ADARB2: variants seen among roughly 807,000 people sequenced by gnomAD.
The protein encoded by ADARB2 is inactive double-stranded RNA-specific editase B2.
ADARB2 carries 25 observed loss-of-function variants against 62.2 expected under a neutral mutation model. That is an observed-to-expected ratio of 0.40 (90% CI 0.29 to 0.56). The LOEUF (loss-of-function observed/expected upper bound fraction) is 0.56. ADARB2 is among the 20% of genes least tolerant of loss of function. The pLI is 0.43. For missense variants in ADARB2, 1,071 were observed against 1,077.4 expected (o/e 0.99, Z 0.08); for synonymous variants, 572 against 500.8 (o/e 1.14, Z -1.90).
chr10:1,616,742 GAC>G (rs1833640145), intron 1 of ADARB2, among the ~76,000 whole-genome samples: 1 of 149,536 alleles, frequency 6.7e-6, no homozygotes, highest in South Asian at 2.1e-4. Flanking sequence ...TGCCCGTCCA[GAC>G]ACACTCCACA....
At chr10:1,468,938 C>G (rs77495603) in intron 1 of ADARB2, among the ~76,000 whole-genome samples, 3,893 of 152,318 alleles carry the variant, frequency 0.026, 168 homozygotes, top group African/African-American at 0.087. Flanking sequence ...CATGAGAACA[C>G]TGCAGCTTAG....
intron 3 of ADARB2, among the ~76,000 whole-genome samples, chr10:1,335,143 G>A (rs558416466): frequency 6.6e-6 from 1 of 152,034 alleles, no homozygotes; most frequent in African/African-American, 2.4e-5. Context: ...ATTTGTCTCT[G>A]TGTGTTCCAG....
At chr10:1,232,879 T>G (rs1830822719) in intron 6 of ADARB2, among the ~76,000 whole-genome samples, 1 of 151,644 alleles carries the variant, frequency 6.6e-6, no homozygotes, top group African/African-American at 2.4e-5. Flanking sequence ...GTGGTGTGTG[T>G]GTTGTATGTG....
chr10:1,311,081 C>T (rs1214304354), intron 3 of ADARB2, among the ~76,000 whole-genome samples: 7 of 152,148 alleles, frequency 4.6e-5, no homozygotes, highest in African/African-American at 1.4e-4. Context: ...AGCATGGAGC[C>T]GTGAAGACCA....
chr10:1,462,524 T>A (rs1167991339), intron 1 of ADARB2, among the ~76,000 whole-genome samples: 1 of 152,058 alleles, frequency 6.6e-6, no homozygotes, highest in Non-Finnish European at 1.5e-5. Context: ...AGTGTGCCTG[T>A]ATGTGCCTGT....
At chr10:1,241,142 C>T (rs1295611561) in intron 5 of ADARB2, among the ~76,000 whole-genome samples, 1 of 152,118 alleles carries the variant, frequency 6.6e-6, no homozygotes, top group Non-Finnish European at 1.5e-5. Context: ...GCCTGTAGAC[C>T]CAGCTACTCA....
At chr10:1,554,691 CTT>C (rs1482210106) in intron 1 of ADARB2, among the ~76,000 whole-genome samples, 1 of 152,192 alleles carries the variant, frequency 6.6e-6, no homozygotes, top group Non-Finnish European at 1.5e-5. Context: ...TGTTTTGCCT[CTT>C]ATTTCTAGGA....
Position 1,242,134 on chromosome 10 carries a change from A to G in ADARB2, c.1358T>C (p.Leu453Pro). The change falls in exon 5 of 10, where the codon CTG (leucine) becomes CCG (proline). Residue 453 changes from leucine (L) to proline (P), a missense_variant. Transcript: ENST00000381312. ...GAGCCCGTCCCCAGCCGCTCACCTC[A>G]GGTGCAGCTCCAGCTGCGTGTAGAG... Reference protein sequence around the residue: ...HFLYTQLELHLSKRREDSERS... With the variant: ...HFLYTQLELHPSKRREDSERS... 1.2e-6 allele frequency: 2 copies of G among 1,604,838 alleles called. No homozygotes were observed. Among genetic ancestry groups the G allele is most frequent in the Non-Finnish European group, 8.5e-7 (1 of 1,177,732 alleles).
At chr10:1,194,153 A>G (rs1836876378) in intron 8 of ADARB2, among the ~76,000 whole-genome samples, 1 of 152,160 alleles carries the variant, frequency 6.6e-6, no homozygotes, top group Non-Finnish European at 1.5e-5. Flanking sequence ...AACTAGATTA[A>G]CTGCGAGATT....
Position 1,644,854 on chromosome 10 carries a change from C to A in ADARB2, c.100+92197G>T, listed in dbSNP as rs550556456. On this transcript the variant is annotated intron_variant, in intron 1 of 9. Coordinates refer to ENST00000381312, the MANE Select transcript of ADARB2 (RefSeq NM_018702.4). ...TTTGTTAATGTTTAAATTTATGACT[C>A]GAGATTTCACTCTCAAATAGTGATG... Among the ~76,000 whole-genome samples the A allele has an allele frequency of 5.9e-5, 9 of 152,294 alleles. No individual in the cohort carries two copies. In the East Asian group the frequency reaches 1.7e-3, roughly 29 times the overall value.
rs556220813 is a variant in ADARB2, at chr10:1,206,128, A to G, written c.1683-5981T>C. On this transcript the variant is annotated intron_variant, in intron 7 of 9. Coordinates refer to ENST00000381312, the MANE Select transcript of ADARB2 (RefSeq NM_018702.4). Reference sequence around the variant, plus strand: ...ATTTCTCTTCTGAAAAACCCGTCTCAAAAACTCCCTTTCTCTTGATATTTC... The same window carrying G: ...ATTTCTCTTCTGAAAAACCCGTCTCGAAAACTCCCTTTCTCTTGATATTTC... Among the ~76,000 whole-genome samples, 108 of 152,358 alleles carry G rather than the reference A, an allele frequency of 7.1e-4. 1 individual carries two copies. The highest frequency in any genetic ancestry group is 2.3e-3 in the Admixed American group (35 of 15,302).
At chr10:1,420,926 A>G (rs1055940865) in intron 1 of ADARB2, among the ~76,000 whole-genome samples, 1 of 152,084 alleles carries the variant, frequency 6.6e-6, no homozygotes, top group African/African-American at 2.4e-5. Context: ...ACACTTCCCA[A>G]TGAAAGCGAA....
chr10:1,429,548 G>T (rs758422901), intron 1 of ADARB2, among the ~76,000 whole-genome samples: 2 of 152,186 alleles, frequency 1.3e-5, no homozygotes, highest in Non-Finnish European at 2.9e-5. Flanking sequence ...GCAGGACAAA[G>T]GTTATTGCTC....
intron 1 of ADARB2, among the ~76,000 whole-genome samples, chr10:1,393,455 T>C (rs12184345): frequency 0.39 from 59,461 of 152,096 alleles, 12,153 homozygotes; most frequent in Non-Finnish European, 0.45. Context: ...TAGGTCTTTT[T>C]CATTCTTCCC....
chr10:1,452,300 T>A (rs1256840613), intron 1 of ADARB2, among the ~76,000 whole-genome samples: 1 of 152,132 alleles, frequency 6.6e-6, no homozygotes, highest in Admixed American at 6.5e-5. Flanking sequence ...AAAAATCAGC[T>A]CTGTGTCTTG....
chr10:1,254,895 C>T (rs1324282870), intron 4 of ADARB2, among the ~76,000 whole-genome samples: 3 of 152,230 alleles, frequency 2.0e-5, no homozygotes, highest in Admixed American at 2.0e-4. Flanking sequence ...ACCTGAGCTT[C>T]AAAGAATGGT....
At chr10:1,584,732 T>C (rs1479230648) in intron 1 of ADARB2, among the ~76,000 whole-genome samples, 1 of 152,160 alleles carries the variant, frequency 6.6e-6, no homozygotes, top group Non-Finnish European at 1.5e-5. Flanking sequence ...CTGTGGTTCA[T>C]CCAGATCATG....
At chr10:1,318,580 C>T (rs529912694) in intron 3 of ADARB2, among the ~76,000 whole-genome samples, 1 of 150,758 alleles carries the variant, frequency 6.6e-6, no homozygotes, top group East Asian at 2.0e-4. Flanking sequence ...TCAGATTCCA[C>T]CTGATCTCTC....
At chr10:1,518,534 C>A (rs753529781) in intron 1 of ADARB2, among the ~76,000 whole-genome samples, 2 of 152,242 alleles carry the variant, frequency 1.3e-5, no homozygotes, top group Non-Finnish European at 2.9e-5. Context: ...GTAGTGTTGT[C>A]ATACGCCTGC....
Sources: allele counts gnomAD v4.1 joint callset (sites outside exome capture counted in the v4.1 genomes callset), GRCh38; gene constraint gnomAD v4.1.1; transcripts MANE v1.5; gene names NCBI Gene and HGNC (gene_info 2026-07-23, HGNC 2026-07-21).